The following ANKS1B variants were observed in gnomAD, a reference collection of about 807,000 sequenced individuals.
ANKS1B encodes ankyrin repeat and sterile alpha motif domain containing 1B.
In ANKS1B, 36 loss-of-function variants were observed where a neutral mutation model predicts 148.3. The ratio of observed to expected loss-of-function variants is 0.24; its 90% confidence interval spans 0.19 to 0.32. ANKS1B has a LOEUF of 0.32. Ranked by LOEUF, ANKS1B falls within the 10% of genes least tolerant of loss-of-function variation. The pLI is 1.00. For missense variants in ANKS1B, 1,157 were observed against 1,542.6 expected (o/e 0.75, Z 4.19); for synonymous variants, 542 against 560.8 (o/e 0.97, Z 0.47).
At chr12:99,319,539 C>T (rs1311661759) in intron 12 of ANKS1B, among the ~76,000 whole-genome samples, 4 of 152,178 alleles carry the variant, frequency 2.6e-5, no homozygotes, top group Non-Finnish European at 5.9e-5. Flanking sequence ...GTAGATCTTC[C>T]TCCATCCCTT....
intron 17 of ANKS1B, among the ~76,000 whole-genome samples, chr12:98,854,632 T>C (rs2099552284): frequency 6.6e-6 from 1 of 152,194 alleles, no homozygotes; most frequent in African/African-American, 2.4e-5. Context: ...CTAAATTGCT[T>C]TTTGCAATGT....
At chr12:99,065,370 T>A (rs1359020574) in intron 16 of ANKS1B, among the ~76,000 whole-genome samples, 1 of 152,174 alleles carries the variant, frequency 6.6e-6, no homozygotes, top group African/African-American at 2.4e-5. Flanking sequence ...ACCATGTCCT[T>A]TCTCAGAGCC....
At chr12:99,252,861 T>C (rs2074788953) in intron 12 of ANKS1B, among the ~76,000 whole-genome samples, 2 of 152,184 alleles carry the variant, frequency 1.3e-5, no homozygotes, top group Admixed American at 6.5e-5. Context: ...GAAAAACTTC[T>C]GGGAGAAGAA....
chr12:99,351,542 T>C (rs1379993118), intron 12 of ANKS1B, among the ~76,000 whole-genome samples: 3 of 152,028 alleles, frequency 2.0e-5, no homozygotes, highest in Admixed American at 2.0e-4. Context: ...AAAGAACTTC[T>C]AAGTCATGTA....
chr12:99,490,994 T>C (rs1390345318), intron 10 of ANKS1B, among the ~76,000 whole-genome samples: 1 of 152,196 alleles, frequency 6.6e-6, no homozygotes, highest in Non-Finnish European at 1.5e-5. Flanking sequence ...AGCTGCTAAA[T>C]AGAGCAAAGT....
chr12:99,619,423 G>GCTGTTTCATCTA (rs1368734248), intron 9 of ANKS1B, among the ~76,000 whole-genome samples: 1 of 151,926 alleles, frequency 6.6e-6, no homozygotes, highest in Non-Finnish European at 1.5e-5. Flanking sequence ...AGACACCCTA[G>GCTGTTTCATCTA]TCTTCCTGCG....
intron 17 of ANKS1B, among the ~76,000 whole-genome samples, chr12:98,841,649 A>G (rs182927966): frequency 6.6e-6 from 1 of 152,312 alleles, no homozygotes; most frequent in East Asian, 1.9e-4. Flanking sequence ...TTGGACATTT[A>G]CCATATTTCA....
chr12:98,794,510 G>A (rs1566589387), intron 22 of ANKS1B: 1 of 532,522 alleles, frequency 1.9e-6, no homozygotes, highest in South Asian at 1.8e-5. Flanking sequence ...TGTTATTTCT[G>A]TCTGGGGCCC....
chr12:99,641,363 A>T (rs1033919342), intron 9 of ANKS1B, among the ~76,000 whole-genome samples: 9 of 152,220 alleles, frequency 5.9e-5, no homozygotes, highest in Non-Finnish European at 1.2e-4. Flanking sequence ...TAGTCAGGCC[A>T]ATTACTTTAA....
At chr12:99,951,416 C>T (rs1221241794) in intron 1 of ANKS1B, among the ~76,000 whole-genome samples, 1 of 152,150 alleles carries the variant, frequency 6.6e-6, no homozygotes, top group African/African-American at 2.4e-5. Context: ...ATAAACCATC[C>T]TAAAACTCAG....
chr12:99,007,537 T>C (rs2099936833), intron 17 of ANKS1B, among the ~76,000 whole-genome samples: 1 of 152,194 alleles, frequency 6.6e-6, no homozygotes, highest in South Asian at 2.1e-4. Flanking sequence ...CTCAATGACA[T>C]CTTGGACAGG....
intron 6 of ANKS1B, among the ~76,000 whole-genome samples, chr12:99,776,192 T>C (rs1181310867): frequency 2.0e-5 from 3 of 152,210 alleles, no homozygotes; most frequent in Non-Finnish European, 1.5e-5. Context: ...AAAGAAATAA[T>C]GTTCATTGCC....
intron 9 of ANKS1B, among the ~76,000 whole-genome samples, chr12:99,564,453 TTAA>T (rs1369958750): frequency 6.6e-6 from 1 of 151,788 alleles, no homozygotes; most frequent in Non-Finnish European, 1.5e-5. Context: ...AATGATAAAA[TTAA>T]TAATATATGT....
At chr12:98,814,879 T>A (rs1253011135) in intron 19 of ANKS1B, among the ~76,000 whole-genome samples, 1 of 152,246 alleles carries the variant, frequency 6.6e-6, no homozygotes, top group Non-Finnish European at 1.5e-5. Context: ...TATAATTTTA[T>A]CTTCAGTTCA....
intron 1 of ANKS1B, among the ~76,000 whole-genome samples, chr12:99,981,848 T>C (rs764544330): frequency 2.0e-5 from 3 of 152,092 alleles, no homozygotes; most frequent in Non-Finnish European, 2.9e-5. Context: ...GCCAAACATA[T>C]TCTACAGTTC....
At chr12:99,229,641 G>T (rs555832121) in intron 14 of ANKS1B, among the ~76,000 whole-genome samples, 1 of 151,808 alleles carries the variant, frequency 6.6e-6, no homozygotes, top group African/African-American at 2.4e-5. Flanking sequence ...ATTATATTTT[G>T]GGCAAATAAA....
intron 8 of ANKS1B, among the ~76,000 whole-genome samples, chr12:99,762,737 G>C (rs1601647686): frequency 6.6e-6 from 1 of 151,964 alleles, no homozygotes; most frequent in Non-Finnish European, 1.5e-5. Context: ...CTTACAGAAT[G>C]GTAGAAAATA....
chr12:99,580,621 A>C (rs2097561441), intron 9 of ANKS1B, among the ~76,000 whole-genome samples: 1 of 152,166 alleles, frequency 6.6e-6, no homozygotes, highest in South Asian at 2.1e-4. Context: ...TGGTGAAGAG[A>C]AATTGGTTAA....
intron 4 of ANKS1B, among the ~76,000 whole-genome samples, chr12:99,785,278 TGTG>T (rs1380609993): frequency 1.3e-5 from 2 of 151,258 alleles, no homozygotes; most frequent in African/African-American, 4.9e-5. Context: ...TGTGTGTGTG[TGTG>T]TCTGTGTGTC....
Sources: allele counts gnomAD v4.1 joint callset (sites outside exome capture counted in the v4.1 genomes callset), GRCh38; gene constraint gnomAD v4.1.1; transcripts MANE v1.5; gene names NCBI Gene and HGNC (gene_info 2026-07-23, HGNC 2026-07-21).